Variants in PIK3C2B observed in about 807,000 individuals in gnomAD.
PIK3C2B encodes phosphatidylinositol 4-phosphate 3-kinase C2 domain-containing subunit beta.
Under a neutral mutation model 184.3 loss-of-function variants are expected in PIK3C2B, and 83 were observed. That is an observed-to-expected ratio of 0.45 (90% CI 0.38 to 0.54). The LOEUF is 0.54. Ranked by LOEUF, PIK3C2B falls within the 20% of genes least tolerant of loss-of-function variation. The pLI is 0.00. For missense variants in PIK3C2B, 1,736 were observed against 2,113.5 expected (o/e 0.82, Z 3.50); for synonymous variants, 779 against 837.6 (o/e 0.93, Z 1.21).
At chr1:204,479,536 C>T (rs561515460) in intron 1 of PIK3C2B, among the ~76,000 whole-genome samples, 174 of 152,282 alleles carry the variant, frequency 1.1e-3, no homozygotes, top group Non-Finnish European at 1.9e-3. Flanking sequence ...AAACCCTAAA[C>T]GCTCTGAAAA....
chr1:204,470,262 G>A (rs963609983), intron 1 of PIK3C2B, among the ~76,000 whole-genome samples: 33 of 151,210 alleles, frequency 2.2e-4, no homozygotes, highest in Non-Finnish European at 4.1e-4. Flanking sequence ...CCACCTCCCA[G>A]GTTCAAGTGA....
In PIK3C2B at chr1:204,475,605, C is replaced by A. The variant is rs564589762; in HGVS notation, c.-84-5719G>T. Among the ~76,000 whole-genome samples the A allele has an allele frequency of 3.3e-5, 5 of 152,284 alleles. No homozygotes were observed. In the East Asian group the frequency reaches 7.7e-4, roughly 24 times the overall value. ...CCAGGTTGGATTGGCATCTGTAAGG[C>A]AGGGGCAAGGATGGCAAGAAAACCA... On this transcript the variant is annotated intron_variant, in intron 1 of 32. Coordinates refer to ENST00000684373, the MANE Select transcript of PIK3C2B (RefSeq NM_001377334.1).
At chr1:204,459,394 T>C (rs1655137187) in intron 8 of PIK3C2B, among the ~76,000 whole-genome samples, 1 of 152,230 alleles carries the variant, frequency 6.6e-6, no homozygotes. Flanking sequence ...TCTCATGGTT[T>C]TGAGGCTTGA....
Position 204,424,796 on chromosome 1 carries a change from C to G in PIK3C2B, c.*56G>C, listed in dbSNP as rs1674658904. ...AAGGAGGAGTCTCACAGGGGAGAGT[C>G]CTCTCCCCCAGCTCCTGCCACCAGC... On this transcript the variant is annotated 3_prime_UTR_variant, in exon 33 of 33. Transcript: ENST00000684373. 1 of 1,527,318 alleles carries G rather than the reference C, an allele frequency of 6.5e-7. No homozygotes were observed. The highest frequency in any genetic ancestry group is 1.4e-5 in the African/African-American group (1 of 73,336). The allele number at this position is 1,527,318 out of a possible 1,614,324, so 94.6% of individuals were successfully genotyped here.
At chr1:204,468,450 C>T (rs1655999019) in intron 2 of PIK3C2B, among the ~76,000 whole-genome samples, 1 of 152,194 alleles carries the variant, frequency 6.6e-6, no homozygotes, top group Admixed American at 6.5e-5. Flanking sequence ...TGTGAATGAT[C>T]TTCATCGCCA....
intron 5 of PIK3C2B, among the ~76,000 whole-genome samples, chr1:204,462,887 C>G (rs1168349497): frequency 1.3e-5 from 2 of 152,118 alleles, no homozygotes; most frequent in East Asian, 1.9e-4. Context: ...AACCCAGTCT[C>G]TATTAAAAAA....
intron 23 of PIK3C2B, among the ~76,000 whole-genome samples, chr1:204,438,033 C>A (rs750447020): frequency 2.6e-5 from 4 of 152,174 alleles, no homozygotes; most frequent in Non-Finnish European, 4.4e-5. Flanking sequence ...CCCCGGGGAA[C>A]ACAAACACTG....
At chr1:204,444,555 T>C (rs1253845775) in intron 16 of PIK3C2B, 131 bp from the exon 17 acceptor site, 1 of 646,366 alleles carries the variant, frequency 1.5e-6, no homozygotes, top group African/African-American at 1.8e-5. Flanking sequence ...TCTGCTAAAG[T>C]CACTAGAAGA....
intron 8 of PIK3C2B, 45 bp from the exon 9 acceptor site, chr1:204,457,919 C>T (rs549308025): frequency 1.6e-5 from 25 of 1,589,306 alleles, no homozygotes; most frequent in Non-Finnish European, 9.4e-6. Flanking sequence ...TGCTCTCATG[C>T]TCTTGGTCTC....
chr1:204,469,899 G>A lies in PIK3C2B; in HGVS notation c.-84-13C>T, dbSNP rs1572378101. On this transcript the variant is annotated splice_polypyrimidine_tract_variant and intron_variant, in intron 1 of 32. Coordinates refer to ENST00000684373, the MANE Select transcript of PIK3C2B (RefSeq NM_001377334.1). ...GGTGTCTGGGCGCCTGCAGGTGAGG[G>A]GTAAAAATATCAATCAGTCACAAAG... 5.7e-6 allele frequency: 4 copies of A among 701,918 alleles called. No individual in the cohort carries two copies. Among genetic ancestry groups the A allele is most frequent in the African/African-American group, 3.6e-5 (2 of 55,662 alleles). 43.5% of individuals were successfully genotyped at this position (701,918 alleles called of 1,614,324 possible).
rs1466610234 is a variant in PIK3C2B, at chr1:204,464,618, A to C, written c.1035-14T>G. ...CCAGATCGAAGGCTGTACAGGAAGAAAAAAAACCCTCACTGTGCCTTTAGA... is the reference window on the plus strand; with the variant it reads ...CCAGATCGAAGGCTGTACAGGAAGACAAAAAACCCTCACTGTGCCTTTAGA... On this transcript the variant is annotated splice_polypyrimidine_tract_variant and intron_variant, in intron 3 of 32. Coordinates refer to ENST00000684373, the MANE Select transcript of PIK3C2B (RefSeq NM_001377334.1). 1.9e-6 allele frequency: 3 copies of C among 1,611,280 alleles called. No individual in the cohort carries two copies. Among genetic ancestry groups the C allele is most frequent in the Non-Finnish European group, 2.5e-6 (3 of 1,178,980 alleles).
chr1:204,438,214 T>C (rs1199696651), intron 23 of PIK3C2B, among the ~76,000 whole-genome samples: 2 of 152,210 alleles, frequency 1.3e-5, no homozygotes, highest in Non-Finnish European at 1.5e-5. Context: ...CTATAGCCAG[T>C]CTCTTGTGAG....
rs777077787 is a variant in PIK3C2B at position 204,469,367 on chromosome 1, C to T, written c.436G>A (p.Asp146Asn). 12 of 1,530,560 alleles carry T rather than the reference C, an allele frequency of 7.8e-6. No homozygotes were observed. Among genetic ancestry groups the T allele is most frequent in the Non-Finnish European group, 8.8e-6 (10 of 1,142,456 alleles). The allele number at this position is 1,530,560 out of a possible 1,614,324, so 94.8% of individuals were successfully genotyped here. ...AGTTTCTTGCAAGAGCCCTCTATGT[C>T]CCCTGGTCCTGGGGACGAAGAGACT... is the stretch of plus-strand genomic sequence containing the variant. Reference protein sequence around the residue: ...GGVSSSPGPGDIEGSCKKLSP... With the variant: ...GGVSSSPGPGNIEGSCKKLSP... Residue 146 changes from aspartate to asparagine, a missense_variant, in exon 2 of 33, where the codon GAC (aspartate) becomes AAC (asparagine). Asp to Asn is a conservative substitution (Grantham distance 23). This residue lies in a region of PIK3C2B where 404 missense variants were observed against 418.0 expected (regional missense o/e 0.97). Transcript: ENST00000684373.
At chr1:204,444,611 C>T (rs1464356273) in intron 16 of PIK3C2B, among the ~76,000 whole-genome samples, 187 bp from the exon 17 acceptor site, 4 of 152,182 alleles carry the variant, frequency 2.6e-5, no homozygotes, top group Non-Finnish European at 4.4e-5. Context: ...AATGAGCCTT[C>T]CTCACGGTCA....
At position 204,449,179 on chromosome 1, in the gene PIK3C2B, C is replaced by T; in HGVS notation, c.2346+6G>A. ...GGTGACTGGGAGGGAAGGGCTAAAGCCTCACCTGCAGGATGACACTGTCTG... is the reference window on the plus strand; with the variant it reads ...GGTGACTGGGAGGGAAGGGCTAAAGTCTCACCTGCAGGATGACACTGTCTG... On this transcript the variant is annotated splice_donor_region_variant and intron_variant, in intron 14 of 32. Transcript: ENST00000684373. 6.3e-7 allele frequency: 1 copy of T among 1,589,712 alleles called. No individual in the cohort carries two copies. The highest frequency in any genetic ancestry group is 8.6e-7 in the Non-Finnish European group (1 of 1,160,890).
rs1479428329 is a variant in PIK3C2B at position 204,433,556 on chromosome 1, TGGGCAG to T, written c.3844-137_3844-132del. ...TCTAGAGGGTGGTAGACAGATGCTG[TGGGCAG>T]TGGCTGGAGGGCCACAGGAACTGAA... On this transcript the variant is annotated intron_variant, in intron 25 of 32. Transcript: ENST00000684373. This position sits in a 1 kb window ranked among gnomAD's most constrained non-coding sequence, Gnocchi z 5.0. 3 of 721,152 alleles carry T rather than the reference TGGGCAG, an allele frequency of 4.2e-6. No individual in the cohort carries two copies. The highest frequency in any genetic ancestry group is 7.1e-6 in the Non-Finnish European group (3 of 423,292). 44.7% of individuals were successfully genotyped at this position (721,152 alleles called of 1,614,324 possible).
chr1:204,488,041 T>C (rs1657747989), intron 1 of PIK3C2B, among the ~76,000 whole-genome samples: 1 of 152,252 alleles, frequency 6.6e-6, no homozygotes, highest in African/African-American at 2.4e-5. Context: ...CATTTCATTT[T>C]ACAACAAATT....
rs1406252725 is a variant in PIK3C2B at position 204,456,066 on chromosome 1, G to C, written c.1748-15C>G. The C allele has an allele frequency of 1.9e-6, 3 of 1,606,312 alleles. No homozygotes were observed. The highest frequency in any genetic ancestry group is 1.3e-5 in the African/African-American group (1 of 74,792). ...CACGACCTTCTCTGGGAAGGGAAGG[G>C]GTCAGAAGGGAAAGTCATGAGGCCT... On this transcript the variant is annotated splice_polypyrimidine_tract_variant and intron_variant, in intron 10 of 32. Coordinates refer to ENST00000684373, the MANE Select transcript of PIK3C2B (RefSeq NM_001377334.1).
chr1:204,431,076 CCA>C (rs1166676732), intron 28 of PIK3C2B, among the ~76,000 whole-genome samples: 1 of 152,226 alleles, frequency 6.6e-6, no homozygotes, highest in Admixed American at 6.5e-5. Flanking sequence ...GCAACCATCG[CCA>C]CTATCCAACT....
Sources: gnomAD v4.1 joint callset for allele counts (sites outside exome capture counted in the v4.1 genomes callset) on GRCh38, gnomAD v4.1.1 for gene constraint, gnomAD v4.1.1 regional missense constraint, Gnocchi (gnomAD v3.1) non-coding constraint, MANE v1.5 for transcripts, NCBI Gene and HGNC (gene_info 2026-07-23, HGNC 2026-07-21) for gene names.